ATG5: variants seen among roughly 807,000 people sequenced by gnomAD.
ATG5 encodes the protein autophagy protein 5.
In ATG5, 14 loss-of-function variants were observed where a neutral mutation model predicts 36.5. That is an observed-to-expected ratio of 0.38 (90% confidence interval 0.25 to 0.60). The LOEUF (loss-of-function observed/expected upper bound fraction) is 0.60, where lower values mean the gene tolerates loss of function less well. Ranked by LOEUF, ATG5 falls within the 20% of genes least tolerant of loss-of-function variation. The pLI is 0.60. For synonymous variants in ATG5, 95 were observed against 101.5 expected (o/e 0.94, Z 0.38); for missense variants, 195 against 326.7 (o/e 0.60, Z 3.11).
At chr6:106,261,844 C>T (rs1388611775) in intron 5 of ATG5, among the ~76,000 whole-genome samples, 1 of 152,122 alleles carries the variant, frequency 6.6e-6, no homozygotes, top group Non-Finnish European at 1.5e-5. Flanking sequence ...GGGGAGCGGG[C>T]AGTGTGCTAC....
At chr6:106,231,130 A>G (rs1032315483) in intron 6 of ATG5, among the ~76,000 whole-genome samples, 2 of 152,156 alleles carry the variant, frequency 1.3e-5, no homozygotes, top group African/African-American at 4.8e-5. Flanking sequence ...AAGCGGTGGG[A>G]GGAGAATTCG....
At chr6:106,193,450 C>T (rs780174821) in intron 7 of ATG5, among the ~76,000 whole-genome samples, 1 of 152,022 alleles carries the variant, frequency 6.6e-6, no homozygotes, top group Admixed American at 6.6e-5. Context: ...CTTATAATCT[C>T]TGTATTTCTT....
intron 6 of ATG5, among the ~76,000 whole-genome samples, chr6:106,214,345 C>T (rs1776961180): frequency 6.6e-6 from 1 of 152,054 alleles, no homozygotes; most frequent in African/African-American, 2.4e-5. Flanking sequence ...GTCTGTAGCA[C>T]TTATCAGACT....
intron 4 of ATG5, among the ~76,000 whole-genome samples, chr6:106,284,767 G>A (rs977940589): frequency 2.7e-5 from 4 of 149,828 alleles, no homozygotes; most frequent in African/African-American, 7.4e-5. Context: ...CAGTTATGCT[G>A]AACATCTTTT....
intron 6 of ATG5, among the ~76,000 whole-genome samples, chr6:106,239,163 G>GAA (rs11461527): frequency 1.4e-5 from 2 of 143,980 alleles, no homozygotes; most frequent in African/African-American, 5.1e-5. Flanking sequence ...AATAAAGCAA[G>GAA]AAAAAAAAAA....
At chr6:106,209,354 G>A (rs1485127935) in intron 6 of ATG5, among the ~76,000 whole-genome samples, 1 of 152,136 alleles carries the variant, frequency 6.6e-6, no homozygotes, top group Non-Finnish European at 1.5e-5. Context: ...GCAATAAAAA[G>A]GAACAAACTA....
At chr6:106,263,834 G>A (rs917302541) in intron 5 of ATG5, among the ~76,000 whole-genome samples, 10 of 149,632 alleles carry the variant, frequency 6.7e-5, no homozygotes, top group African/African-American at 2.0e-4. Context: ...CCATCCAAAG[G>A]TCATTAGCCT....
chr6:106,211,530 G>A (rs956087482), intron 6 of ATG5, among the ~76,000 whole-genome samples: 4 of 152,180 alleles, frequency 2.6e-5, no homozygotes, highest in African/African-American at 7.2e-5. Flanking sequence ...CCAACATGGC[G>A]AAACCTCATC....
At chr6:106,195,098 C>G (rs1776123011) in intron 7 of ATG5, among the ~76,000 whole-genome samples, 1 of 152,122 alleles carries the variant, frequency 6.6e-6, no homozygotes, top group Non-Finnish European at 1.5e-5. Flanking sequence ...AAGAGCTCAT[C>G]ATTAGTTACT....
At position 106,249,344 on chromosome 6, in the gene ATG5, T is replaced by C. The variant is rs540381364; in HGVS notation, c.479-1100A>G. ...CAGACATTTCATATAAATGAAGTAA[T>C]ATAATATGTGGTTCTTTTGCATCTG... is the stretch of plus-strand genomic sequence containing the variant. On this transcript the variant is annotated intron_variant, in intron 5 of 7. Coordinates refer to ENST00000369076, the MANE Select transcript of ATG5 (RefSeq NM_004849.4). Among the ~76,000 whole-genome samples the C allele has an allele frequency of 9.8e-5, 15 of 152,316 alleles. No individual in the cohort carries two copies. The South Asian group carries it at 2.9e-3, about 29-fold the overall frequency.
chr6:106,311,964 G>A (rs964837382), intron 2 of ATG5, among the ~76,000 whole-genome samples: 2 of 151,904 alleles, frequency 1.3e-5, no homozygotes, highest in African/African-American at 4.8e-5. Context: ...CCAGGTAGCT[G>A]GGATTACAGG....
At chr6:106,314,737 G>C (rs1037220341) in intron 2 of ATG5, among the ~76,000 whole-genome samples, 1 of 151,872 alleles carries the variant, frequency 6.6e-6, no homozygotes. Context: ...AAAAAAAATG[G>C]TATCCTAACC....
chr6:106,230,277 C>T (rs549757760), intron 6 of ATG5, among the ~76,000 whole-genome samples: 1 of 152,320 alleles, frequency 6.6e-6, no homozygotes, highest in South Asian at 2.1e-4. Flanking sequence ...CAAAAGCTTA[C>T]TTATACCCTC....
chr6:106,209,312 T>C (rs924186531), intron 6 of ATG5, among the ~76,000 whole-genome samples: 1 of 152,124 alleles, frequency 6.6e-6, no homozygotes, highest in African/African-American at 2.4e-5. Context: ...ATAAACTGAC[T>C]GTAATAGGTC....
chr6:106,227,182 G>A (rs891839724), intron 6 of ATG5, among the ~76,000 whole-genome samples: 24 of 151,154 alleles, frequency 1.6e-4, no homozygotes, highest in African/African-American at 5.8e-4. Context: ...TATAAAGAGA[G>A]ACTCTCAAAA....
In ATG5 at chr6:106,242,290, C is replaced by T. The variant is rs906431314; in HGVS notation, c.573+5860G>A. ...CCACCACACCCAGCCAAAAAAAGGACATTCTGACACATAATACAATATAGA... is the reference window on the plus strand; with the variant it reads ...CCACCACACCCAGCCAAAAAAAGGATATTCTGACACATAATACAATATAGA... On this transcript the variant is annotated intron_variant, in intron 6 of 7. Transcript: ENST00000369076. Among the ~76,000 whole-genome samples, 11 of 151,958 alleles carry T rather than the reference C, an allele frequency of 7.2e-5. 1 individual carries two copies. The highest frequency in any genetic ancestry group is 6.6e-4 in the Admixed American group (10 of 15,244).
chr6:106,185,263 A>C lies in ATG5; in HGVS notation c.*1277T>G, dbSNP rs1362035332. The C allele has an allele frequency of 6.5e-6, 1 of 152,768 alleles. No individual in the cohort carries two copies. The highest frequency in any genetic ancestry group is 1.5e-5 in the Non-Finnish European group (1 of 68,036). 9.5% of individuals were successfully genotyped at this position (152,768 alleles called of 1,614,324 possible). On this transcript the variant is annotated 3_prime_UTR_variant, in exon 8 of 8. Coordinates refer to ENST00000369076, the MANE Select transcript of ATG5 (RefSeq NM_004849.4). ...ATTTGTATAATTTTTTATAAGAAAA[A>C]CATTCATTTTTATTATGGGATCTAA...
rs574509599 is a variant in ATG5 at position 106,234,205 on chromosome 6, C to T, written c.573+13945G>A. ...GGGTACATAGCACCCCTAGCCCCTA[C>T]AAAGGACTAGATCTCTTAAAACTAC... On this transcript the variant is annotated intron_variant, in intron 6 of 7. Coordinates refer to ENST00000369076, the MANE Select transcript of ATG5 (RefSeq NM_004849.4). Among the ~76,000 whole-genome samples, 3 of 152,258 alleles carry T rather than the reference C, an allele frequency of 2.0e-5. No homozygotes were observed. In the East Asian group the frequency reaches 5.8e-4, roughly 29 times the overall value.
intron 4 of ATG5, among the ~76,000 whole-genome samples, chr6:106,281,896 G>A (rs1779894462): frequency 6.6e-6 from 1 of 152,092 alleles, no homozygotes; most frequent in Non-Finnish European, 1.5e-5. Context: ...TCTCTTTGTG[G>A]TTTTAATTTA....
Sources: gnomAD v4.1 joint callset for allele counts (sites outside exome capture counted in the v4.1 genomes callset) on GRCh38, gnomAD v4.1.1 for gene constraint, MANE v1.5 for transcripts, NCBI Gene and HGNC (gene_info 2026-07-23, HGNC 2026-07-21) for gene names.